The following ZNF536 variants were observed in gnomAD, a reference collection of about 807,000 sequenced individuals.
The protein encoded by ZNF536 is zinc finger protein 536.
A neutral mutation model predicts 84.5 loss-of-function variants in ZNF536; 13 were observed. The observed-to-expected ratio is 0.15, with a 90% CI of 0.10 to 0.24. ZNF536 has a LOEUF of 0.24. ZNF536 is among the 10% of genes least tolerant of loss of function. The probability of loss-of-function intolerance (pLI) is 1.00; values close to 1 mark genes in which losing one functional copy is unlikely to be tolerated. For missense variants in ZNF536, 1,536 were observed against 1,747.5 expected, an observed-to-expected ratio of 0.88 and a Z score of 2.16; for synonymous variants, 811 against 742.5, an observed-to-expected ratio of 1.09 and a Z score of -1.50.
At chr19:30,486,960 A>G (rs1248507892) in intron 2 of ZNF536, among the ~76,000 whole-genome samples, 3 of 152,234 alleles carry the variant, frequency 2.0e-5, no homozygotes, top group Non-Finnish European at 4.4e-5. Context: ...TTTAAAAATT[A>G]CAAACTTAAA....
intron 1 of ZNF536, among the ~76,000 whole-genome samples, chr19:30,580,157 T>C (rs1419551468): frequency 6.6e-6 from 1 of 152,166 alleles, no homozygotes; most frequent in Non-Finnish European, 1.5e-5. Context: ...GGTTCTGGTA[T>C]TGGCAATGCA....
intron 1 of ZNF536, among the ~76,000 whole-genome samples, chr19:30,617,366 T>TTTTTTTTTTTTTTTTTTTTTTTTTTA (rs869281886): frequency 8.6e-6 from 1 of 115,916 alleles, no homozygotes; most frequent in Non-Finnish European, 1.8e-5. Context: ...TTTTTTTTTT[T>TTTTTTTTTTTTTTTTTTTTTTTTTTA]ATGAGATGGA....
intron 2 of ZNF536, among the ~76,000 whole-genome samples, chr19:30,475,855 C>T (rs2053824539): frequency 6.6e-6 from 1 of 152,156 alleles, no homozygotes; most frequent in Non-Finnish European, 1.5e-5. Flanking sequence ...AGTTCCTGCC[C>T]ACATCTAAAG....
At chr19:30,234,863 A>C (rs1484826954) in intron 1 of ZNF536, among the ~76,000 whole-genome samples, 4 of 152,154 alleles carry the variant, frequency 2.6e-5, no homozygotes, top group Non-Finnish European at 5.9e-5. Context: ...ATGCCCATTC[A>C]GCCTTAATTA....
At chr19:30,567,304 G>A (rs1181599808) in intron 1 of ZNF536, among the ~76,000 whole-genome samples, 3 of 152,170 alleles carry the variant, frequency 2.0e-5, no homozygotes, top group Non-Finnish European at 2.9e-5. Flanking sequence ...GAGCGCGTGG[G>A]CGGGGCACTG....
At chr19:30,609,894 TTATCCATCCATCCATCCATCCATCC>T (rs1260649128) in intron 1 of ZNF536, among the ~76,000 whole-genome samples, 2 of 73,114 alleles carry the variant, frequency 2.7e-5, no homozygotes, top group Middle Eastern at 8.6e-3. Flanking sequence ...ATCCACCCAT[TTATCCATCCATCCATCCATCCATCC>T]ATCCATCCAT....
chr19:30,684,501 G>A (rs1708336903), intron 1 of ZNF536, among the ~76,000 whole-genome samples: 1 of 152,096 alleles, frequency 6.6e-6, no homozygotes, highest in South Asian at 2.1e-4. Context: ...ATGGATTCAC[G>A]GTCCAGGTTT....
intron 2 of ZNF536, among the ~76,000 whole-genome samples, chr19:30,334,596 G>A (rs955451844): frequency 2.0e-5 from 3 of 152,116 alleles, no homozygotes; most frequent in African/African-American, 4.8e-5. Flanking sequence ...ATACTGGCCC[G>A]TTCCCCTTTA....
chr19:30,544,659 G>A (rs1417001168), intron 3 of ZNF536, among the ~76,000 whole-genome samples: 2 of 152,126 alleles, frequency 1.3e-5, no homozygotes, highest in Admixed American at 6.5e-5. Context: ...GGTCAAGAAG[G>A]GAGGTTTCAG....
intron 1 of ZNF536, among the ~76,000 whole-genome samples, chr19:30,630,250 G>A (rs1228032541): frequency 6.6e-6 from 1 of 152,184 alleles, no homozygotes; most frequent in African/African-American, 2.4e-5. Context: ...TATTGACTGA[G>A]CAACTCATAT....
intron 1 of ZNF536, among the ~76,000 whole-genome samples, chr19:30,568,022 T>C (rs1025859652): frequency 2.0e-5 from 3 of 152,232 alleles, no homozygotes; most frequent in Admixed American, 1.3e-4. Context: ...TCTTTAGGGC[T>C]ATTATGATAA....
At chr19:30,615,033 G>A (rs1301932091) in intron 1 of ZNF536, among the ~76,000 whole-genome samples, 4 of 126,004 alleles carry the variant, frequency 3.2e-5, no homozygotes, top group East Asian at 2.5e-4. Flanking sequence ...TGCAAGCTCC[G>A]CCTCCCGGGT....
intron 2 of ZNF536, among the ~76,000 whole-genome samples, chr19:30,302,956 G>T (rs2046233295): frequency 6.6e-6 from 1 of 152,154 alleles, no homozygotes; most frequent in South Asian, 2.1e-4. Flanking sequence ...CTCTCTGGTG[G>T]CAGGGACATT....
At chr19:30,464,933 C>G (rs1053560665) in intron 2 of ZNF536, among the ~76,000 whole-genome samples, 40 of 152,148 alleles carry the variant, frequency 2.6e-4, no homozygotes, top group African/African-American at 9.4e-4. Context: ...GGCTGGAACC[C>G]CCAAGGGATG....
chr19:30,603,233 G>C (rs2047754708), intron 1 of ZNF536, among the ~76,000 whole-genome samples: 1 of 152,214 alleles, frequency 6.6e-6, no homozygotes. Flanking sequence ...GTCTGGCACA[G>C]TGCCTGAAAC....
At chr19:30,325,971 G>GTC (rs1568333255) in intron 2 of ZNF536, among the ~76,000 whole-genome samples, 4 of 152,178 alleles carry the variant, frequency 2.6e-5, no homozygotes, top group African/African-American at 9.7e-5. Context: ...CACATACCTT[G>GTC]TCTCCTCTCT....
chr19:30,352,670 G>A (rs535837339), intron 3 of ZNF536, among the ~76,000 whole-genome samples: 4 of 152,268 alleles, frequency 2.6e-5, no homozygotes, highest in Admixed American at 2.0e-4. Context: ...GTAAGCTCTC[G>A]GTGAGTGGTG....
chr19:30,432,066 G>C (rs1369501567), intron 1 of ZNF536, among the ~76,000 whole-genome samples: 2 of 151,332 alleles, frequency 1.3e-5, no homozygotes, highest in Non-Finnish European at 2.9e-5. Context: ...GTCAGAGAGA[G>C]AGAGAGTTCT....
At chr19:30,577,236 T>C (rs955526640) in intron 1 of ZNF536, among the ~76,000 whole-genome samples, 2 of 152,160 alleles carry the variant, frequency 1.3e-5, no homozygotes, top group African/African-American at 4.8e-5. Flanking sequence ...GTGGTGTAAA[T>C]TTGCTTCATG....
Sources: allele counts gnomAD v4.1 joint callset (sites outside exome capture counted in the v4.1 genomes callset), GRCh38; gene constraint gnomAD v4.1.1; transcripts MANE v1.5; gene names NCBI Gene and HGNC (gene_info 2026-07-23, HGNC 2026-07-21).